GRID2: variants seen among roughly 807,000 people sequenced by gnomAD.
The protein encoded by GRID2 is glutamate ionotropic receptor delta type subunit 2, also known as glutamate receptor ionotropic, delta-2.
In GRID2, 33 loss-of-function variants were observed where a neutral mutation model predicts 114.8. The ratio of observed to expected loss-of-function variants is 0.29; its 90% confidence interval spans 0.22 to 0.38. The LOEUF is 0.38. Ranked by LOEUF, GRID2 falls within the 10% of genes least tolerant of loss-of-function variation. The pLI, the probability that GRID2 is intolerant of heterozygous loss-of-function variation, is 1.00. For synonymous variants in GRID2, 505 were observed against 449.9 expected (o/e 1.12, Z -1.55); for missense variants, 1,184 against 1,257.7 (o/e 0.94, Z 0.89).
intron 4 of GRID2, among the ~76,000 whole-genome samples, chr4:93,199,006 A>G (rs953693236): frequency 6.6e-6 from 1 of 152,172 alleles, no homozygotes; most frequent in East Asian, 1.9e-4. Context: ...GCCAAGGGTC[A>G]TTTAGCTATT....
In GRID2 at chr4:93,559,846, T is replaced by C. The variant is rs199570986; in HGVS notation, c.2193+44435T>C. On this transcript the variant is annotated intron_variant, in intron 13 of 15. Coordinates refer to ENST00000282020, the MANE Select transcript of GRID2 (RefSeq NM_001510.4). The stretch of plus-strand genomic sequence containing the variant: ...AACCAACCCAAATGCGCATCAATTA[T>C]AGACTAGATAAAGAAAATGTGGCAC... 5.9e-5 allele frequency among the ~76,000 whole-genome samples: 9 copies of C among 152,184 alleles called. No individual in the cohort carries two copies. In the East Asian group the frequency reaches 1.7e-3, roughly 29 times the overall value.
intron 13 of GRID2, among the ~76,000 whole-genome samples, chr4:93,590,657 T>G (rs1406281494): frequency 6.6e-6 from 1 of 152,162 alleles, no homozygotes; most frequent in Non-Finnish European, 1.5e-5. Context: ...GTATGGCCAT[T>G]TTCACGATAT....
intron 1 of GRID2, among the ~76,000 whole-genome samples, chr4:92,418,181 T>C (rs1731714859): frequency 6.6e-6 from 1 of 152,114 alleles, no homozygotes; most frequent in African/African-American, 2.4e-5. Flanking sequence ...AAGCAGTGAC[T>C]GAGTTGAAAT....
chr4:92,542,072 T>G (rs774145501), intron 1 of GRID2, among the ~76,000 whole-genome samples: 2 of 152,124 alleles, frequency 1.3e-5, no homozygotes, highest in Non-Finnish European at 1.5e-5. Flanking sequence ...CTGTGGTTCT[T>G]AGGTCAAGAA....
Position 92,834,762 on chromosome 4 carries a change from A to G in GRID2, c.244+244476A>G, listed in dbSNP as rs150174318. 2.2e-4 allele frequency among the ~76,000 whole-genome samples: 34 copies of G among 152,214 alleles called. No individual in the cohort carries two copies. In the East Asian group the frequency reaches 6.0e-3, roughly 27 times the overall value. On this transcript the variant is annotated intron_variant, in intron 2 of 15. Coordinates refer to ENST00000282020, the MANE Select transcript of GRID2 (RefSeq NM_001510.4). The stretch of plus-strand genomic sequence containing the variant: ...TCTTTGTGTGATTTCTGGACACTGC[A>G]TTTTTATCCTAATGAGGCCTGTAAT...
At chr4:92,501,854 C>T (rs893438371) in intron 1 of GRID2, among the ~76,000 whole-genome samples, 1 of 151,996 alleles carries the variant, frequency 6.6e-6, no homozygotes, top group African/African-American at 2.4e-5. Flanking sequence ...GAGATTGTGA[C>T]GAATATGACA....
At chr4:92,570,189 T>C (rs957615503) in intron 1 of GRID2, among the ~76,000 whole-genome samples, 16 of 152,118 alleles carry the variant, frequency 1.1e-4, no homozygotes, top group African/African-American at 3.9e-4. Context: ...TAGCTAGTTC[T>C]CAGAGCACCA....
At chr4:92,462,941 C>T (rs547593613) in intron 1 of GRID2, among the ~76,000 whole-genome samples, 3 of 151,846 alleles carry the variant, frequency 2.0e-5, no homozygotes, top group East Asian at 1.9e-4. Context: ...TTCTAATTTG[C>T]GTAGATATTT....
intron 1 of GRID2, among the ~76,000 whole-genome samples, chr4:92,437,153 C>T (rs903779413): frequency 1.3e-5 from 2 of 152,128 alleles, no homozygotes; most frequent in African/African-American, 2.4e-5. Context: ...AGAAATTTTA[C>T]TTTAAATTGT....
At chr4:92,694,953 A>AT (rs1734353949) in intron 2 of GRID2, among the ~76,000 whole-genome samples, 1 of 151,766 alleles carries the variant, frequency 6.6e-6, no homozygotes, top group African/African-American at 2.4e-5. Flanking sequence ...CATTCTAGTC[A>AT]TTTTATCAGA....
chr4:93,488,927 A>G (rs577230518), intron 11 of GRID2, among the ~76,000 whole-genome samples: 2 of 152,094 alleles, frequency 1.3e-5, no homozygotes, highest in African/African-American at 4.8e-5. Context: ...TACTTAGTTA[A>G]AGGTCCTATC....
At chr4:93,767,811 C>T (rs1388781741) in intron 14 of GRID2, among the ~76,000 whole-genome samples, 1 of 152,164 alleles carries the variant, frequency 6.6e-6, no homozygotes, top group Non-Finnish European at 1.5e-5. Flanking sequence ...CAGTCTCACC[C>T]CAAATAATCC....
intron 10 of GRID2, among the ~76,000 whole-genome samples, chr4:93,448,079 C>T (rs1476618225): frequency 1.3e-5 from 2 of 151,296 alleles, no homozygotes; most frequent in Non-Finnish European, 3.0e-5. Context: ...AAGTTGGAGA[C>T]ATGGATTAGA....
chr4:93,591,060 C>T (rs1738229152), intron 13 of GRID2, among the ~76,000 whole-genome samples: 2 of 149,124 alleles, frequency 1.3e-5, no homozygotes, highest in South Asian at 4.4e-4. Flanking sequence ...CTTCTCCTGC[C>T]TAATTGCCCT....
Position 93,774,161 on chromosome 4 carries a change from G to T in GRID2, c.*1663G>T, listed in dbSNP as rs962761102. ...CTAATTCTGTTCTGGGGAGCATCTT[G>T]TATTGTCACTGTTTTGTACTAAATC... On this transcript the variant is annotated 3_prime_UTR_variant, in exon 16 of 16. Coordinates refer to ENST00000282020, the MANE Select transcript of GRID2 (RefSeq NM_001510.4). The T allele has an allele frequency of 3.3e-5, 5 of 152,074 alleles. No individual in the cohort carries two copies. Among genetic ancestry groups the T allele is most frequent in the Non-Finnish European group, 5.9e-5 (4 of 67,952 alleles). 9.4% of individuals were successfully genotyped at this position (152,074 alleles called of 1,614,324 possible).
At chr4:92,584,150 C>T (rs905395526) in intron 1 of GRID2, among the ~76,000 whole-genome samples, 10 of 151,778 alleles carry the variant, frequency 6.6e-5, no homozygotes, top group African/African-American at 9.7e-5. Context: ...ATTTTTTCTC[C>T]TTGAACTGAG....
At chr4:92,506,880 C>A (rs1407777838) in intron 1 of GRID2, among the ~76,000 whole-genome samples, 2 of 151,786 alleles carry the variant, frequency 1.3e-5, no homozygotes, top group East Asian at 1.9e-4. Context: ...TGAAAAAAAT[C>A]TTTCATTTTT....
At chr4:93,425,034 C>T (rs2149371671) in intron 10 of GRID2, among the ~76,000 whole-genome samples, 1 of 152,152 alleles carries the variant, frequency 6.6e-6, no homozygotes, top group Middle Eastern at 3.4e-3. Flanking sequence ...TACTTTTCTG[C>T]TGAGATTTCC....
At chr4:93,161,236 A>G (rs956220642) in intron 4 of GRID2, among the ~76,000 whole-genome samples, 8 of 151,890 alleles carry the variant, frequency 5.3e-5, no homozygotes, top group Non-Finnish European at 8.8e-5. Flanking sequence ...AGAAACTTTT[A>G]TTTAAGCCCT....
Sources: allele counts gnomAD v4.1 joint callset (sites outside exome capture counted in the v4.1 genomes callset), GRCh38; gene constraint gnomAD v4.1.1; transcripts MANE v1.5; gene names NCBI Gene and HGNC (gene_info 2026-07-23, HGNC 2026-07-21).